Variants in PINK1 observed in about 807,000 individuals in gnomAD.
PINK1 encodes the protein PTEN induced kinase 1.
A neutral mutation model predicts 56.0 loss-of-function variants in PINK1; 58 were observed. That is an observed-to-expected ratio of 1.04 (90% CI 0.84 to 1.29). The LOEUF is 1.29. Among genes scored for constraint, PINK1 ranks in the 50% most tolerant of loss-of-function variants. The probability of loss-of-function intolerance (pLI) is 0.00; values close to 1 mark genes in which losing one functional copy is unlikely to be tolerated. For synonymous variants in PINK1, 354 were observed against 339.3 expected, an observed-to-expected ratio of 1.04 and a Z score of -0.48; for missense variants, 745 against 777.9, an observed-to-expected ratio of 0.96 and a Z score of 0.50.
chr1:20,649,944 C>T (rs1294620814), intron 7 of PINK1: 2 of 231,704 alleles, frequency 8.6e-6, no homozygotes, highest in Non-Finnish European at 1.7e-5. Context: ...CAAAGGCAGA[C>T]CTATCCGAAG....
intron 1 of PINK1, among the ~76,000 whole-genome samples, chr1:20,636,585 G>C (rs188336827): frequency 6.6e-6 from 1 of 152,054 alleles, no homozygotes; most frequent in African/African-American, 2.4e-5. Flanking sequence ...TTCATGATCC[G>C]CCTCCCTCGG....
In PINK1 at chr1:20,645,715, TGGACCC is replaced by T. The variant is rs754024208; in HGVS notation, c.1116_1121del (p.Pro374_Asp375del). 2 of 1,614,104 alleles carry T rather than the reference TGGACCC, an allele frequency of 1.2e-6. No individual in the cohort carries two copies. The highest frequency in any genetic ancestry group is 2.2e-5 in the South Asian group (2 of 91,078). The stretch of plus-strand genomic sequence containing the variant: ...AAATCCGACAACATCCTTGTGGAGC[TGGACCC>T]AGGTAGGAACCTGCTGCACCATCAG... On this transcript the variant is annotated inframe_deletion and splice_region_variant, in exon 5 of 8. Transcript: ENST00000321556.
rs956491558 is a variant in PINK1 at position 20,633,721 on chromosome 1, G to A, written c.173G>A (p.Arg58Lys). 6 of 1,529,650 alleles carry A rather than the reference G, an allele frequency of 3.9e-6. No individual in the cohort carries two copies. The highest frequency in any genetic ancestry group is 5.2e-6 in the Non-Finnish European group (6 of 1,144,062). The allele number at this position is 1,529,650 out of a possible 1,614,324, so 94.8% of individuals were successfully genotyped here. The change falls in exon 1 of 8, where the codon AGG (arginine) becomes AAG (lysine). Residue 58 changes from arginine to lysine, a missense_variant. Physicochemically the swap from Arg to Lys is conservative, Grantham distance 26. Coordinates refer to ENST00000321556, the MANE Select transcript of PINK1 (RefSeq NM_032409.3). The stretch of plus-strand genomic sequence containing the variant: ...GCAGGACCGGGCGCGGAGCCTCGCA[G>A]GGTCGGGCTCGGGCTCCCTAACCGT... ...WAAGPGAEPR[R>K]VGLGLPNRLR...
chr1:20,633,652 G>C lies in PINK1; in HGVS notation c.104G>C (p.Gly35Ala). 7.5e-7 allele frequency: 1 copy of C among 1,334,412 alleles called. No individual in the cohort carries two copies. The highest frequency in any genetic ancestry group is 2.0e-5 in the South Asian group (1 of 49,592). The allele number at this position is 1,334,412 out of a possible 1,614,324, so 82.7% of individuals were successfully genotyped here. A position where few individuals can be genotyped will look rare whatever the true frequency, so the allele number is the denominator to read the frequency against. ...PGRAYGLGRP[G>A]PAAGCVRGER... ...CGGGCCTACGGCTTGGGGCGGCCGG[G>C]CCCGGCGGCGGGCTGTGTCCGCGGG... The change falls in exon 1 of 8, where the codon GGC becomes GCC. Residue 35 changes from glycine to alanine, a missense_variant. Coordinates refer to ENST00000321556, the MANE Select transcript of PINK1 (RefSeq NM_032409.3).
chr1:20,645,678 C>T lies in PINK1; in HGVS notation c.1078C>T (p.His360Tyr). 6.2e-7 allele frequency: 1 copy of T among 1,614,026 alleles called. No homozygotes were observed. Among genetic ancestry groups the T allele is most frequent in the Non-Finnish European group, 8.5e-7 (1 of 1,180,024 alleles). Reference sequence around the variant, plus strand: ...CCATCTGGTTCAACAGGGCATCGCGCACAGAGACCTGAAATCCGACAACAT... The same window carrying T: ...CCATCTGGTTCAACAGGGCATCGCGTACAGAGACCTGAAATCCGACAACAT... ...VDHLVQQGIAHRDLKSDNILV... is the reference protein window; with the variant it reads ...VDHLVQQGIAYRDLKSDNILV... The change falls in exon 5 of 8, where the codon CAC becomes TAC. Residue 360 changes from histidine (H) to tyrosine (Y), a missense_variant. By Grantham distance (83) the His-to-Tyr change is moderately conservative. Transcript: ENST00000321556.
rs573709145 is a variant in PINK1 at position 20,646,978 on chromosome 1, C to G, written c.1123+1255C>G. 2.0e-5 allele frequency among the ~76,000 whole-genome samples: 3 copies of G among 151,590 alleles called. No individual in the cohort carries two copies. In the East Asian group the frequency reaches 5.8e-4, roughly 30 times the overall value. On this transcript the variant is annotated intron_variant, in intron 5 of 7. Coordinates refer to ENST00000321556, the MANE Select transcript of PINK1 (RefSeq NM_032409.3). ...CACTGCAACCTCTGCTTCCCAGGTT[C>G]AAGCAATTCTCGTGCCTCCGCCTCC...
In PINK1 at chr1:20,633,491, G is replaced by C. The variant is rs2053011402; in HGVS notation, c.-58G>C. 1 of 1,095,538 alleles carries C rather than the reference G, an allele frequency of 9.1e-7. No homozygotes were observed. The highest frequency in any genetic ancestry group is 5.1e-5 in the Admixed American group (1 of 19,674). The allele number at this position is 1,095,538 out of a possible 1,614,324, so 67.9% of individuals were successfully genotyped here. A position where few individuals can be genotyped will look rare whatever the true frequency, so the allele number is the denominator to read the frequency against. ...CGCCCCAAGTTTGTTGTGACCGGCGGGGGACGCCGGTGGTGGCGGCAGCGG... is the reference window on the plus strand; with the variant it reads ...CGCCCCAAGTTTGTTGTGACCGGCGCGGGACGCCGGTGGTGGCGGCAGCGG... On this transcript the variant is annotated 5_prime_UTR_variant, in exon 1 of 8. Transcript: ENST00000321556.
chr1:20,639,889 C>T lies in PINK1; in HGVS notation c.676-3C>T, dbSNP rs752336566. ...AACCCTGGGTTCCTTGTGGGTGTTC[C>T]AGGCAGGTTCCTCCAGCGAAGCCAT... is the stretch of plus-strand genomic sequence containing the variant. On this transcript the variant is annotated splice_polypyrimidine_tract_variant and splice_region_variant and intron_variant, in intron 2 of 7. Transcript: ENST00000321556. The T allele has an allele frequency of 6.2e-7, 1 of 1,610,954 alleles. No homozygotes were observed. The highest frequency in any genetic ancestry group is 1.1e-5 in the South Asian group (1 of 90,240).
At position 20,648,527 on chromosome 1, in the gene PINK1, C is replaced by A. The variant is rs548701521; in HGVS notation, c.1146C>A (p.Ile382=). The A allele has an allele frequency of 1.9e-6, 3 of 1,614,132 alleles. No homozygotes were observed. The highest frequency in any genetic ancestry group is 2.2e-5 in the East Asian group (1 of 44,876). Residue 382 remains isoleucine, a synonymous_variant, in exon 6 of 8, where the codon ATC becomes ATA. Transcript: ENST00000321556. ...CAGACGGCTGCCCCTGGCTGGTGAT[C>A]GCAGATTTTGGCTGCTGCCTGGCTG... The part of the protein sequence containing the change: ...LDPDGCPWLV[I]ADFGCCLADE...
Position 20,649,248 on chromosome 1 carries a change from C to T in PINK1, c.1488+17C>T, listed in dbSNP as rs140025459. The T allele has an allele frequency of 1.1e-4, 177 of 1,611,100 alleles. 1 individual carries two copies. In the African/African-American group the frequency reaches 1.9e-3, roughly 17 times the overall value. On this transcript the variant is annotated intron_variant, in intron 7 of 7. Transcript: ENST00000321556. ...GCCAGCAAGGTGAGGCTGTCCCCGG[C>T]TTCGAGGGGACGGTGTGGGTAGAAA...
In PINK1 at chr1:20,633,826, C is replaced by A; in HGVS notation, c.278C>A (p.Ala93Glu). The A allele has an allele frequency of 6.3e-7, 1 of 1,576,946 alleles. No homozygotes were observed. Among genetic ancestry groups the A allele is most frequent in the Non-Finnish European group, 8.6e-7 (1 of 1,164,976 alleles). The part of the protein sequence containing the change: ...RQFVVRAWGC[A>E]GPCGRAVFLA... ...TTCGTGGTGCGGGCCTGGGGCTGCG[C>A]GGGCCCTTGCGGCCGGGCAGTCTTT... Residue 93 changes from alanine to glutamate, a missense_variant, in exon 1 of 8, where the codon GCG becomes GAG. Coordinates refer to ENST00000321556, the MANE Select transcript of PINK1 (RefSeq NM_032409.3).
At chr1:20,647,322 G>A (rs1013068205) in intron 5 of PINK1, among the ~76,000 whole-genome samples, 19 of 150,372 alleles carry the variant, frequency 1.3e-4, no homozygotes, top group African/African-American at 4.2e-4. Context: ...CTCCCAAAGC[G>A]CTGGGATTAT....
chr1:20,648,798 T>C, intron 6 of PINK1, 166 bp downstream of exon 6: 3 of 1,353,282 alleles, frequency 2.2e-6, no homozygotes, highest in Non-Finnish European at 2.0e-6. Flanking sequence ...CGTTCCCTCA[T>C]GTTCCAGGAG....
In PINK1 at chr1:20,645,696, G is replaced by A. The variant is rs200729715; in HGVS notation, c.1096G>A (p.Asp366Asn). Residue 366 changes from aspartate (D) to asparagine (N), a missense_variant, in exon 5 of 8, where the codon GAC becomes AAC. Transcript: ENST00000321556. ...QGIAHRDLKSDNILVELDPDG... is the reference protein window; with the variant it reads ...QGIAHRDLKSNNILVELDPDG... ...CATCGCGCACAGAGACCTGAAATCC[G>A]ACAACATCCTTGTGGAGCTGGACCC... 108 of 1,614,030 alleles carry A rather than the reference G, an allele frequency of 6.7e-5. No homozygotes were observed. The highest frequency in any genetic ancestry group is 1.6e-4 in the Middle Eastern group (1 of 6,062).
chr1:20,643,909 T>C (rs2053143775), intron 3 of PINK1, among the ~76,000 whole-genome samples: 2 of 152,350 alleles, frequency 1.3e-5, no homozygotes, highest in Admixed American at 1.3e-4. Context: ...ACTGTGTTTT[T>C]TCCTATACAC....
rs1013707184 is a variant in PINK1 at position 20,644,477 on chromosome 1, C to T, written c.777-13C>T. ...ATGCTGGCCTCATATGTTTGTCTCA[C>T]TTGGCTGACTAGAAAATCCAAGAGA... On this transcript the variant is annotated splice_polypyrimidine_tract_variant and intron_variant, in intron 3 of 7. Coordinates refer to ENST00000321556, the MANE Select transcript of PINK1 (RefSeq NM_032409.3). 4 of 1,614,048 alleles carry T rather than the reference C, an allele frequency of 2.5e-6. No homozygotes were observed. Among genetic ancestry groups the T allele is most frequent in the Non-Finnish European group, 3.4e-6 (4 of 1,179,990 alleles).
chr1:20,645,869 C>T (rs1179230592), intron 5 of PINK1, 146 bp downstream of exon 5: 2 of 1,115,846 alleles, frequency 1.8e-6, no homozygotes, highest in African/African-American at 1.6e-5. Context: ...TTAGCAATCT[C>T]TCCCTTAGAA....
At chr1:20,647,399 C>T (rs9287034) in intron 5 of PINK1, among the ~76,000 whole-genome samples, 58,658 of 149,634 alleles carry the variant, frequency 0.39, 11,568 homozygotes, top group Middle Eastern at 0.45. Context: ...CTCAAGTGAT[C>T]CACCCACCTC....
In PINK1 at chr1:20,645,665, A is replaced by G. The variant is rs370470902; in HGVS notation, c.1065A>G (p.Gln355=). ...QLLEGVDHLV[Q]QGIAHRDLKS... Reference sequence around the variant, plus strand: ...TGGAAGGCGTGGACCATCTGGTTCAACAGGGCATCGCGCACAGAGACCTGA... The same window carrying G: ...TGGAAGGCGTGGACCATCTGGTTCAGCAGGGCATCGCGCACAGAGACCTGA... The change falls in exon 5 of 8, where the codon CAA becomes CAG. Residue 355 remains glutamine (Q), a synonymous_variant. Transcript: ENST00000321556. The G allele has an allele frequency of 1.8e-4, 289 of 1,613,968 alleles. No homozygotes were observed. Among genetic ancestry groups the G allele is most frequent in the Non-Finnish European group, 2.4e-4 (279 of 1,180,034 alleles).
Sources: gnomAD v4.1 joint callset for allele counts (sites outside exome capture counted in the v4.1 genomes callset) on GRCh38, gnomAD v4.1.1 for gene constraint, MANE v1.5 for transcripts, NCBI Gene and HGNC (gene_info 2026-07-23, HGNC 2026-07-21) for gene names.